Variants in UTS2B observed in about 807,000 individuals in gnomAD.
UTS2B encodes urotensin-2B.
A neutral mutation model predicts 19.2 loss-of-function variants in UTS2B; 21 were observed. The ratio of observed to expected loss-of-function variants is 1.09; its 90% CI spans 0.78 to 1.58. The LOEUF (loss-of-function observed/expected upper bound fraction) is 1.58. Ranked by LOEUF, UTS2B falls within the 40% of genes most tolerant of loss-of-function variation. The pLI, the probability that UTS2B is intolerant of heterozygous loss-of-function variation, is 0.00. For synonymous variants in UTS2B, 57 were observed against 50.2 expected, an observed-to-expected ratio of 1.14 and a Z score of -0.58; for missense variants, 138 against 130.3, an observed-to-expected ratio of 1.06 and a Z score of -0.29.
chr3:191,307,822 TTTTCG>T (rs72278041), intron 3 of UTS2B, among the ~76,000 whole-genome samples: 34,343 of 149,822 alleles, frequency 0.23, 4,169 homozygotes, highest in South Asian at 0.28. Context: ...TTTTCTTTTC[TTTTCG>T]TTTTCTTCTC....
the UTS2B span, among the ~76,000 whole-genome samples, chr3:191,338,668 TTTTTA>T: frequency 6.6e-6 from 1 of 152,188 alleles, no homozygotes; most frequent in Non-Finnish European, 1.5e-5. Context: ...TCATTCCTTC[TTTTTA>T]TAGTTTCCCC....
At chr3:191,292,556 A>C (rs1422283335) in intron 4 of UTS2B, among the ~76,000 whole-genome samples, 1 of 152,110 alleles carries the variant, frequency 6.6e-6, no homozygotes, top group Admixed American at 6.5e-5. Flanking sequence ...ATTTTTTCAT[A>C]GATTCCTTAG....
intron 4 of UTS2B, among the ~76,000 whole-genome samples, chr3:191,287,938 TTAAAG>T (rs1407630009): frequency 1.3e-5 from 2 of 152,142 alleles, no homozygotes; most frequent in Admixed American, 1.3e-4. Context: ...TGTGAGTTCA[TTAAAG>T]TTGCAGGATA....
At chr3:191,314,633 A>T (rs1717398371) in intron 3 of UTS2B, among the ~76,000 whole-genome samples, 2 of 152,210 alleles carry the variant, frequency 1.3e-5, no homozygotes, top group Non-Finnish European at 2.9e-5. Context: ...GCGCAAGTGC[A>T]AGGGTGGGGC....
upstream of UTS2B, among the ~76,000 whole-genome samples, chr3:191,335,254 A>T (rs944036449): frequency 7.2e-5 from 11 of 152,210 alleles, no homozygotes; most frequent in Non-Finnish European, 1.3e-4. Flanking sequence ...ACAGAAGCAT[A>T]TTTAGAAGTG....
chr3:191,328,211 C>T (rs189932939), intron 2 of UTS2B: 6 of 152,296 alleles, frequency 3.9e-5, no homozygotes, highest in Non-Finnish European at 7.3e-5. Context: ...TACGTGGCCT[C>T]TCATACTGGG....
rs148571366 is a variant in UTS2B, at chr3:191,273,279, T to C, written c.334+1973A>G. On this transcript the variant is annotated intron_variant, in intron 8 of 8. Transcript: ENST00000340524. Reference sequence around the variant, plus strand: ...AGAAGAGATTTGGGGTTGTCTCTAATGAGAATGAGTTGAGTATAGTCTATG... The same window carrying C: ...AGAAGAGATTTGGGGTTGTCTCTAACGAGAATGAGTTGAGTATAGTCTATG... 205 of 336,576 alleles carry C rather than the reference T, an allele frequency of 6.1e-4. 1 individual carries two copies. Among genetic ancestry groups the C allele is most frequent in the African/African-American group, 4.2e-3 (195 of 46,686 alleles). 20.8% of individuals were successfully genotyped at this position (336,576 alleles called of 1,614,324 possible).
At chr3:191,336,217 T>C in the UTS2B span, among the ~76,000 whole-genome samples, 1 of 151,962 alleles carries the variant, frequency 6.6e-6, no homozygotes, top group South Asian at 2.1e-4. Flanking sequence ...ATACGGTGAG[T>C]GCATGTTAAA....
intron 4 of UTS2B, among the ~76,000 whole-genome samples, chr3:191,292,772 G>A (rs1312978889): frequency 1.3e-5 from 2 of 152,164 alleles, no homozygotes; most frequent in Non-Finnish European, 2.9e-5. Flanking sequence ...TGTTAAGGAT[G>A]ATGTTAATTC....
chr3:191,327,035 T>G (rs879114811), intron 2 of UTS2B, among the ~76,000 whole-genome samples: 1 of 152,262 alleles, frequency 6.6e-6, no homozygotes, highest in Non-Finnish European at 1.5e-5. Context: ...GTGGATATTT[T>G]TATGCATATC....
At chr3:191,272,411 A>G (rs894079227) in intron 8 of UTS2B, among the ~76,000 whole-genome samples, 1 of 152,236 alleles carries the variant, frequency 6.6e-6, no homozygotes, top group South Asian at 2.1e-4. Flanking sequence ...TCATGTGCCT[A>G]GAGCTCCTAG....
intron 8 of UTS2B, among the ~76,000 whole-genome samples, chr3:191,272,925 G>A (rs1716129599): frequency 6.7e-6 from 1 of 150,256 alleles, no homozygotes; most frequent in South Asian, 2.1e-4. Context: ...AGCACTTTGA[G>A]AGCTCAAGGC....
intron 8 of UTS2B, among the ~76,000 whole-genome samples, chr3:191,273,930 C>A (rs1040836262): frequency 1.3e-5 from 2 of 152,122 alleles, no homozygotes; most frequent in African/African-American, 4.8e-5. Context: ...TGGTGAAACC[C>A]ATCTCCACTA....
upstream of UTS2B, among the ~76,000 whole-genome samples, chr3:191,333,082 C>G (rs73201628): frequency 0.092 from 13,971 of 152,064 alleles, 696 homozygotes; most frequent in East Asian, 0.25. Flanking sequence ...GTGGAAAGTT[C>G]CACTGTCTCA....
intron 4 of UTS2B, among the ~76,000 whole-genome samples, chr3:191,287,484 C>T (rs1261935036): frequency 1.3e-5 from 2 of 151,884 alleles, no homozygotes; most frequent in Non-Finnish European, 1.5e-5. Flanking sequence ...CCGAATTAAT[C>T]GAACGAAGAA....
intron 4 of UTS2B, among the ~76,000 whole-genome samples, chr3:191,300,956 T>G (rs2108593935): frequency 6.6e-6 from 1 of 152,360 alleles, no homozygotes; most frequent in East Asian, 1.9e-4. Context: ...TCTCAGGTAT[T>G]TATTTATAGC....
At chr3:191,315,614 G>A (rs1324677890) in intron 3 of UTS2B, among the ~76,000 whole-genome samples, 1 of 152,194 alleles carries the variant, frequency 6.6e-6, no homozygotes, top group Non-Finnish European at 1.5e-5. Context: ...TTGTTATTGT[G>A]GTGTGAGGGC....
intron 5 of UTS2B, among the ~76,000 whole-genome samples, chr3:191,280,647 G>GCA (rs1385547202): frequency 6.6e-6 from 1 of 152,048 alleles, no homozygotes; most frequent in Non-Finnish European, 1.5e-5. Context: ...AGTGATATAT[G>GCA]TATATCACTG....
At chr3:191,307,320 C>T (rs1164305949) in intron 3 of UTS2B, among the ~76,000 whole-genome samples, 2 of 152,132 alleles carry the variant, frequency 1.3e-5, no homozygotes, top group Non-Finnish European at 2.9e-5. Context: ...CTGAATTTCC[C>T]TGTGACCTTC....
Sources: gnomAD v4.1 joint callset for allele counts (sites outside exome capture counted in the v4.1 genomes callset) on GRCh38, gnomAD v4.1.1 for gene constraint, MANE v1.5 for transcripts, NCBI Gene and HGNC (gene_info 2026-07-23, HGNC 2026-07-21) for gene names.